The following ARHGAP24 variants were observed in gnomAD, a reference collection of about 807,000 sequenced individuals.
ARHGAP24 encodes the protein rho GTPase-activating protein 24.
Under a neutral mutation model 76.4 loss-of-function variants are expected in ARHGAP24, and 50 were observed. The observed-to-expected ratio is 0.65, with a 90% CI of 0.52 to 0.83. The LOEUF (loss-of-function observed/expected upper bound fraction) is 0.83, where lower values mean the gene tolerates loss of function less well. ARHGAP24 is among the 40% of genes least tolerant of loss of function. The pLI is 0.00. For missense variants in ARHGAP24, 930 were observed against 914.2 expected (o/e 1.02, Z -0.22); for synonymous variants, 345 against 323.3 (o/e 1.07, Z -0.72).
At chr4:85,774,312 T>C (rs1444094136) in intron 3 of ARHGAP24, among the ~76,000 whole-genome samples, 1 of 152,216 alleles carries the variant, frequency 6.6e-6, no homozygotes, top group African/African-American at 2.4e-5. Flanking sequence ...TGAAAGAGTG[T>C]GCAGCAGAGC....
At position 85,869,550 on chromosome 4, in the gene ARHGAP24, T is replaced by C. The variant is rs149618804; in HGVS notation, c.269-54098T>C. 7.9e-5 allele frequency among the ~76,000 whole-genome samples: 12 copies of C among 152,228 alleles called. No homozygotes were observed. The East Asian group carries it at 1.7e-3, about 22-fold the overall frequency. On this transcript the variant is annotated intron_variant, in intron 3 of 9. Coordinates refer to ENST00000395184, the MANE Select transcript of ARHGAP24 (RefSeq NM_001025616.3). ...GATGGGGTGGGGGAGGGAGGAACCA[T>C]TAAGCTGGACAATTCACTGAAAGTT...
chr4:85,483,809 A>G (rs1722913212), intron 1 of ARHGAP24, among the ~76,000 whole-genome samples: 1 of 152,156 alleles, frequency 6.6e-6, no homozygotes. Context: ...CAAGTGTGGT[A>G]CCAGGACCAG....
At chr4:85,485,621 T>C (rs1723020085) in intron 1 of ARHGAP24, among the ~76,000 whole-genome samples, 1 of 151,562 alleles carries the variant, frequency 6.6e-6, no homozygotes, top group Admixed American at 6.6e-5. Context: ...TCACTTAGTT[T>C]TTCTAGACTT....
chr4:85,928,792 CTAA>C (rs1177507019), intron 4 of ARHGAP24, among the ~76,000 whole-genome samples: 1 of 152,144 alleles, frequency 6.6e-6, no homozygotes, highest in Non-Finnish European at 1.5e-5. Flanking sequence ...ATTGCTTAGC[CTAA>C]TGTTAGCTAC....
At chr4:85,835,175 C>A (rs565383503) in intron 3 of ARHGAP24, among the ~76,000 whole-genome samples, 1 of 152,146 alleles carries the variant, frequency 6.6e-6, no homozygotes, top group African/African-American at 2.4e-5. Context: ...CTTGCCGACA[C>A]CCTTTCAAGT....
chr4:85,913,466 G>T (rs1293304274), intron 3 of ARHGAP24, among the ~76,000 whole-genome samples: 1 of 151,752 alleles, frequency 6.6e-6, no homozygotes, highest in Non-Finnish European at 1.5e-5. Flanking sequence ...AGCCTCTCTT[G>T]TTTCTTTCTT....
At chr4:85,608,905 C>T (rs1560551088) in intron 2 of ARHGAP24, among the ~76,000 whole-genome samples, 1 of 151,946 alleles carries the variant, frequency 6.6e-6, no homozygotes, top group Non-Finnish European at 1.5e-5. Flanking sequence ...TAATTAAACC[C>T]GAGGACTTTC....
intron 2 of ARHGAP24, among the ~76,000 whole-genome samples, chr4:85,624,741 C>G (rs577835582): frequency 6.6e-6 from 1 of 152,268 alleles, no homozygotes; most frequent in East Asian, 1.9e-4. Context: ...ATTATTGCCA[C>G]AATTTCAGAG....
chr4:85,976,930 C>T (rs1739370769), intron 7 of ARHGAP24, among the ~76,000 whole-genome samples: 1 of 151,804 alleles, frequency 6.6e-6, no homozygotes, highest in South Asian at 2.1e-4. Context: ...TTACAGGGGC[C>T]CGCCACCGCA....
At chr4:85,518,588 C>T (rs1356802656) in intron 1 of ARHGAP24, among the ~76,000 whole-genome samples, 2 of 152,166 alleles carry the variant, frequency 1.3e-5, no homozygotes, top group African/African-American at 4.8e-5. Context: ...CATAGCTTAG[C>T]TCCCACATAT....
chr4:85,558,224 A>T (rs1455872854), intron 1 of ARHGAP24, among the ~76,000 whole-genome samples: 4 of 152,184 alleles, frequency 2.6e-5, no homozygotes, highest in South Asian at 4.1e-4. Context: ...AACGAGAAAA[A>T]CATGGGATGA....
chr4:85,952,561 G>A (rs746679807), intron 5 of ARHGAP24, among the ~76,000 whole-genome samples: 2 of 152,202 alleles, frequency 1.3e-5, no homozygotes, highest in African/African-American at 2.4e-5. Flanking sequence ...AAATTCATAC[G>A]CTATTGGAAT....
intron 2 of ARHGAP24, among the ~76,000 whole-genome samples, chr4:85,577,966 G>C (rs375286666): frequency 6.6e-6 from 1 of 152,276 alleles, no homozygotes; most frequent in East Asian, 1.9e-4. Context: ...GCAGAGGCAA[G>C]TTTGTTAAGA....
chr4:85,643,279 T>C, intron 2 of ARHGAP24, among the ~76,000 whole-genome samples: 1 of 99,498 alleles, frequency 1.0e-5, no homozygotes, highest in African/African-American at 3.5e-5. Context: ...TGAGACGGAG[T>C]CTCGCTCTGT....
chr4:85,839,843 C>CTTTTTTTTTTT (rs33974767), intron 3 of ARHGAP24, among the ~76,000 whole-genome samples: 4 of 105,628 alleles, frequency 3.8e-5, no homozygotes, highest in Admixed American at 1.1e-4. Context: ...TTTCTGTTTT[C>CTTTTTTTTTTT]TTTTTTTTTT....
At chr4:85,846,657 T>C (rs1192290647) in intron 3 of ARHGAP24, among the ~76,000 whole-genome samples, 4 of 152,230 alleles carry the variant, frequency 2.6e-5, no homozygotes, top group Non-Finnish European at 5.9e-5. Context: ...TCTACCTTGT[T>C]ATCTTGGATA....
At chr4:85,894,971 A>G (rs1734065426) in intron 3 of ARHGAP24, among the ~76,000 whole-genome samples, 1 of 38,388 alleles carries the variant, frequency 2.6e-5, no homozygotes, top group Non-Finnish European at 5.0e-5. Context: ...AAAAAAAAAA[A>G]AAAAAAAAAA....
intron 2 of ARHGAP24, among the ~76,000 whole-genome samples, chr4:85,588,458 G>A (rs555221363): frequency 2.0e-5 from 3 of 152,224 alleles, no homozygotes; most frequent in Non-Finnish European, 2.9e-5. Context: ...TCTGAGTCCT[G>A]CAAATATCTG....
At position 85,510,529 on chromosome 4, in the gene ARHGAP24, AC is replaced by A. The variant is rs1186299492; in HGVS notation, c.-21+34974del. Reference sequence around the variant, plus strand: ...CTCCCCTCTCCCCCTCACTCTCCCAACCCCTTTCCCTCTCTTGCCTTCCTTT... The same window carrying A: ...CTCCCCTCTCCCCCTCACTCTCCCAACCCTTTCCCTCTCTTGCCTTCCTTT... On this transcript the variant is annotated intron_variant, in intron 1 of 9. Transcript: ENST00000395184. Among the ~76,000 whole-genome samples, 19 of 91,012 alleles carry A rather than the reference AC, an allele frequency of 2.1e-4. No homozygotes were observed. The Admixed American group carries it at 2.4e-3, about 12-fold the overall frequency. 59.7% of individuals were successfully genotyped at this position (91,012 alleles called of 152,430 possible).
Sources: allele counts gnomAD v4.1 joint callset (sites outside exome capture counted in the v4.1 genomes callset), GRCh38; gene constraint gnomAD v4.1.1; transcripts MANE v1.5; gene names NCBI Gene and HGNC (gene_info 2026-07-23, HGNC 2026-07-21).